The following LMBR1 variants were observed in gnomAD, a reference collection of about 807,000 sequenced individuals.
LMBR1 encodes the protein limb region 1 protein homolog.
Under a neutral mutation model 73.9 loss-of-function variants are expected in LMBR1, and 52 were observed. The observed-to-expected ratio is 0.70, with a 90% CI of 0.56 to 0.89. The LOEUF (loss-of-function observed/expected upper bound fraction) is 0.89, where lower values mean the gene tolerates loss of function less well. Among genes scored for constraint, LMBR1 ranks in the 40% least tolerant of loss-of-function variants. The probability of loss-of-function intolerance (pLI) is 0.00; values close to 1 mark genes in which losing one functional copy is unlikely to be tolerated. For missense variants in LMBR1, 539 were observed against 579.8 expected (o/e 0.93, Z 0.72); for synonymous variants, 215 against 209.4 (o/e 1.03, Z -0.23).
chr7:156,871,186 T>C (rs896080078), intron 1 of LMBR1, among the ~76,000 whole-genome samples: 2 of 152,082 alleles, frequency 1.3e-5, no homozygotes, highest in Non-Finnish European at 2.9e-5. Flanking sequence ...CTGGATAATC[T>C]AGAAGAAATG....
chr7:156,738,980 G>A (rs1472527594), intron 9 of LMBR1, among the ~76,000 whole-genome samples: 1 of 152,166 alleles, frequency 6.6e-6, no homozygotes, highest in Non-Finnish European at 1.5e-5. Flanking sequence ...TTGCAGCTTA[G>A]GTACTAGCTT....
intron 1 of LMBR1, among the ~76,000 whole-genome samples, chr7:156,859,473 T>C (rs1015415515): frequency 6.6e-6 from 1 of 152,120 alleles, no homozygotes; most frequent in African/African-American, 2.4e-5. Context: ...TCAACAAAAA[T>C]TCCTGGCACT....
rs895100152 is a variant in LMBR1, at chr7:156,670,455, G to A, written n.867-1168C>T. Among the ~76,000 whole-genome samples the A allele has an allele frequency of 1.3e-5, 2 of 152,302 alleles. No individual in the cohort carries two copies. Among genetic ancestry groups the A allele is most frequent in the East Asian group, 1.9e-4 (1 of 5,186 alleles). On this transcript the variant is annotated intron_variant and non_coding_transcript_variant, in intron 4 of 4. Transcript: ENST00000430825. This position sits in a 1 kb window ranked among gnomAD's most constrained non-coding sequence, Gnocchi z 4.3. ...AGAATTTGAAGAGAAAAGAGAACAC[G>A]TGGGACAGAGGCAACAGCTTGAAGC...
At chr7:156,767,911 T>A (rs368145883) in intron 5 of LMBR1, among the ~76,000 whole-genome samples, 12 of 152,206 alleles carry the variant, frequency 7.9e-5, no homozygotes, top group African/African-American at 2.9e-4. Context: ...TTTTTAAAAA[T>A]GTACAGGAGT....
chr7:156,890,272 G>C (rs1438214192), intron 1 of LMBR1, among the ~76,000 whole-genome samples: 1 of 152,098 alleles, frequency 6.6e-6, no homozygotes, highest in African/African-American at 2.4e-5. Context: ...ATCAGTCTTA[G>C]AGTAAGGAGA....
intron 4 of LMBR1, among the ~76,000 whole-genome samples, chr7:156,804,829 A>G (rs1168251842): frequency 6.6e-6 from 1 of 152,130 alleles, no homozygotes; most frequent in Non-Finnish European, 1.5e-5. Context: ...TTAAAGAACA[A>G]AATTTATTAG....
At chr7:156,783,988 G>T (rs10243302) in intron 5 of LMBR1, among the ~76,000 whole-genome samples, 11,182 of 144,114 alleles carry the variant, frequency 0.078, 482 homozygotes, top group East Asian at 0.15. Context: ...GTTATTTTGG[G>T]TTTTTTTCTG....
chr7:156,845,013 G>C (rs1839369046), intron 1 of LMBR1, among the ~76,000 whole-genome samples: 1 of 152,218 alleles, frequency 6.6e-6, no homozygotes, highest in African/African-American at 2.4e-5. Context: ...AGGCCTATCG[G>C]CTTCAACTAA....
chr7:156,787,961 G>A (rs1004816021), intron 5 of LMBR1, among the ~76,000 whole-genome samples: 3 of 152,176 alleles, frequency 2.0e-5, no homozygotes, highest in Middle Eastern at 3.2e-3. Flanking sequence ...ATTTTTAGTA[G>A]AGACAGTGTT....
intron 9 of LMBR1, among the ~76,000 whole-genome samples, chr7:156,750,316 A>G (rs1820637590): frequency 6.9e-6 from 1 of 145,156 alleles, no homozygotes; most frequent in Non-Finnish European, 1.5e-5. Flanking sequence ...GTGTGTGTGT[A>G]TCCTCTTAAT....
Position 156,678,936 on chromosome 7 carries a change from A to G in LMBR1, c.*5142T>C, listed in dbSNP as rs1804543442. The G allele has an allele frequency of 6.6e-6, 1 of 152,226 alleles. No homozygotes were observed. The highest frequency in any genetic ancestry group is 2.4e-5 in the African/African-American group (1 of 41,454). The allele number at this position is 152,226 out of a possible 1,614,324, so 9.4% of individuals were successfully genotyped here. ...CGAATTGTGGGACTGGAGGCATTTGATAAGAATAAAGGTTATAATCTAGAA... is the reference window on the plus strand; with the variant it reads ...CGAATTGTGGGACTGGAGGCATTTGGTAAGAATAAAGGTTATAATCTAGAA... On this transcript the variant is annotated 3_prime_UTR_variant, in exon 17 of 17. Coordinates refer to ENST00000353442, the MANE Select transcript of LMBR1 (RefSeq NM_022458.4).
At chr7:156,827,738 T>C (rs894910558) in intron 3 of LMBR1, among the ~76,000 whole-genome samples, 1 of 151,954 alleles carries the variant, frequency 6.6e-6, no homozygotes, top group Non-Finnish European at 1.5e-5. Context: ...AAATACTAAA[T>C]ACCCAAAAAC....
Position 156,743,307 on chromosome 7 carries a change from T to TAA in LMBR1, c.758-9052_758-9051dup, listed in dbSNP as rs1220469158. On this transcript the variant is annotated intron_variant, in intron 9 of 16. Transcript: ENST00000353442. ...GTCCGCTAAATTTTCTCAGGTCTTC[T>TAA]AAATTCCAAAATTTTATTGTGATTT... is the stretch of plus-strand genomic sequence containing the variant. Among the ~76,000 whole-genome samples, 8 of 152,336 alleles carry TAA rather than the reference T, an allele frequency of 5.3e-5. No individual in the cohort carries two copies. The East Asian group carries it at 1.5e-3, about 29-fold the overall frequency.
chr7:156,789,900 G>C (rs1828895144), intron 5 of LMBR1, among the ~76,000 whole-genome samples: 1 of 150,940 alleles, frequency 6.6e-6, no homozygotes, highest in Non-Finnish European at 1.5e-5. Flanking sequence ...TATTGGAGTA[G>C]TATTACAGCC....
At chr7:156,873,472 G>A (rs1283846357) in intron 1 of LMBR1, among the ~76,000 whole-genome samples, 3 of 152,156 alleles carry the variant, frequency 2.0e-5, no homozygotes, top group Non-Finnish European at 4.4e-5. Flanking sequence ...ACCCGAGCGG[G>A]TTGCCAATGC....
In LMBR1 at chr7:156,704,602, G is replaced by GAA. The variant is rs34052800; in HGVS notation, c.1226-16413_1226-16412dup. On this transcript the variant is annotated intron_variant, in intron 15 of 16. Coordinates refer to ENST00000353442, the MANE Select transcript of LMBR1 (RefSeq NM_022458.4). Reference sequence around the variant, plus strand: ...AATTCTCCAGCAATAGATCCTAACTGAAAAAAAAAAACCCTCAAAATGCCA... The same window carrying GAA: ...AATTCTCCAGCAATAGATCCTAACTGAAAAAAAAAAAAACCCTCAAAATGCCA... Among the ~76,000 whole-genome samples, 674 of 144,414 alleles carry GAA rather than the reference G, an allele frequency of 4.7e-3. 8 individuals carry two copies. The highest frequency in any genetic ancestry group is 6.1e-3 in the Non-Finnish European group (404 of 65,978). The allele number at this position is 144,414 out of a possible 152,430, so 94.7% of individuals were successfully genotyped here. A position where few individuals can be genotyped will look rare whatever the true frequency, so the allele number is the denominator to read the frequency against.
At chr7:156,724,640 AAT>A (rs1350906832) in intron 14 of LMBR1, among the ~76,000 whole-genome samples, 1 of 152,142 alleles carries the variant, frequency 6.6e-6, no homozygotes, top group East Asian at 1.9e-4. Flanking sequence ...AAACTTTTGT[AAT>A]AATGCATCCC....
At chr7:156,829,525 G>A (rs997428629) in intron 3 of LMBR1, among the ~76,000 whole-genome samples, 1 of 151,520 alleles carries the variant, frequency 6.6e-6, no homozygotes, top group African/African-American at 2.4e-5. Flanking sequence ...GGCCTCACCA[G>A]AAGCCAAGCA....
At chr7:156,732,989 C>T (rs570387611) in intron 10 of LMBR1, among the ~76,000 whole-genome samples, 1 of 151,932 alleles carries the variant, frequency 6.6e-6, no homozygotes, top group African/African-American at 2.4e-5. Context: ...ACCAAAAACA[C>T]AAAAAATTAG....
Sources: allele counts gnomAD v4.1 joint callset (sites outside exome capture counted in the v4.1 genomes callset), GRCh38; gene constraint gnomAD v4.1.1; non-coding constraint Gnocchi (gnomAD v3.1); transcripts MANE v1.5; gene names NCBI Gene and HGNC (gene_info 2026-07-23, HGNC 2026-07-21).